IKBKB: variants seen among roughly 807,000 people sequenced by gnomAD.
IKBKB encodes inhibitor of nuclear factor kappa-B kinase subunit beta.
IKBKB carries 42 observed loss-of-function variants against 113.6 expected under a neutral mutation model. The ratio of observed to expected loss-of-function variants is 0.37; its 90% CI spans 0.29 to 0.48. The LOEUF is 0.48. Ranked by LOEUF, IKBKB falls within the 20% of genes least tolerant of loss-of-function variation. The probability of loss-of-function intolerance (pLI) is 0.99; values close to 1 mark genes in which losing one functional copy is unlikely to be tolerated. For synonymous variants in IKBKB, 296 were observed against 361.3 expected (o/e 0.82, Z 2.05); for missense variants, 673 against 939.7 (o/e 0.72, Z 3.71).
chr8:42,311,434 G>A (rs144146842), intron 8 of IKBKB, among the ~76,000 whole-genome samples: 2,165 of 152,032 alleles, frequency 0.014, 53 homozygotes, highest in African/African-American at 0.05. Context: ...GGTGGCACAC[G>A]CCTGTAATCC....
At chr8:42,299,259 C>T (rs903664371) in intron 5 of IKBKB, among the ~76,000 whole-genome samples, 1 of 152,184 alleles carries the variant, frequency 6.6e-6, no homozygotes, top group South Asian at 2.1e-4. Flanking sequence ...CCTTGCATTA[C>T]GGAGGCTGCA....
rs201015542 is a variant in IKBKB, at chr8:42,331,352, G to A, written c.*373G>A. On this transcript the variant is annotated 3_prime_UTR_variant, in exon 22 of 22. Coordinates refer to ENST00000520810, the MANE Select transcript of IKBKB (RefSeq NM_001556.3). The stretch of plus-strand genomic sequence containing the variant: ...TTCCTCTGCCGTGAGAAAAGTGCTT[G>A]GAGTACGGTTTGCCACACACGTGAC... 8.5e-6 allele frequency: 6 copies of A among 702,836 alleles called. No homozygotes were observed. The African/African-American group carries it at 1.0e-4, about 12-fold the overall frequency. The allele number at this position is 702,836 out of a possible 1,614,324, so 43.5% of individuals were successfully genotyped here. A position where few individuals can be genotyped will look rare whatever the true frequency, so the allele number is the denominator to read the frequency against.
chr8:42,329,411 T>C lies in IKBKB; in HGVS notation c.2205+197T>C, dbSNP rs1821390253. On this transcript the variant is annotated intron_variant, in intron 21 of 21. Transcript: ENST00000520810. Reference sequence around the variant, plus strand: ...GATCTTGGCTCACTGCAACCTCCGCTTCCCGGGTTCAAGTGATTCTCATGC... The same window carrying C: ...GATCTTGGCTCACTGCAACCTCCGCCTCCCGGGTTCAAGTGATTCTCATGC... 1.7e-5 allele frequency: 17 copies of C among 978,964 alleles called. 1 individual carries two copies. In the South Asian group the frequency reaches 4.5e-4, roughly 26 times the overall value. The allele number at this position is 978,964 out of a possible 1,614,324, so 60.6% of individuals were successfully genotyped here.
chr8:42,329,681 G>A, intron 21 of IKBKB: 2 of 985,358 alleles, frequency 2.0e-6, no homozygotes, highest in Non-Finnish European at 2.4e-6. Flanking sequence ...CTGCACCATT[G>A]GTACTACTGC....
Position 42,291,160 on chromosome 8 carries a change from T to C in IKBKB, c.318+887T>C, listed in dbSNP as rs1812547824. On this transcript the variant is annotated intron_variant, in intron 4 of 21. Transcript: ENST00000520810. ...GGCTGAATAAGGCCATATAACATTA[T>C]GAAAACTGGAAGCTCTGAACAAAAT... Among the ~76,000 whole-genome samples, 3 of 152,242 alleles carry C rather than the reference T, an allele frequency of 2.0e-5. No individual in the cohort carries two copies. The South Asian group carries it at 6.2e-4, about 32-fold the overall frequency.
rs1225400456 is a variant in IKBKB, at chr8:42,331,135, G to A, written c.*156G>A. On this transcript the variant is annotated 3_prime_UTR_variant, in exon 22 of 22. Transcript: ENST00000520810. ...ACATGGTGGTTCCTGCTGCACTGAT[G>A]GCCCAGGGGTCTCTGGTATCCAGAT... The A allele has an allele frequency of 2.7e-6, 3 of 1,091,892 alleles. No homozygotes were observed. In the African/African-American group the frequency reaches 4.7e-5, roughly 17 times the overall value. 67.6% of individuals were successfully genotyped at this position (1,091,892 alleles called of 1,614,324 possible). A position where few individuals can be genotyped will look rare whatever the true frequency, so the allele number is the denominator to read the frequency against.
chr8:42,327,063 C>T (rs754140753), intron 20 of IKBKB, among the ~76,000 whole-genome samples: 1 of 152,100 alleles, frequency 6.6e-6, no homozygotes, highest in Non-Finnish European at 1.5e-5. Flanking sequence ...TGTAAATACG[C>T]GAAAACCCTT....
Position 42,329,198 on chromosome 8 carries a change from A to C in IKBKB, c.2189A>C (p.Gln730Pro). 2 of 1,594,732 alleles carry C rather than the reference A, an allele frequency of 1.3e-6. No homozygotes were observed. Among genetic ancestry groups the C allele is most frequent in the Non-Finnish European group, 1.7e-6 (2 of 1,173,172 alleles). ...GCCATACAGGACACTGTGAGGGAAC[A>C]AGACCAGAGTTTCACGGTAACAGCT... ...ENAIQDTVREQDQSFTALDWS... is the reference protein window; with the variant it reads ...ENAIQDTVREPDQSFTALDWS... The change falls in exon 21 of 22, where the codon CAA becomes CCA. Residue 730 changes from glutamine to proline, a missense_variant. Coordinates refer to ENST00000520810, the MANE Select transcript of IKBKB (RefSeq NM_001556.3).
intron 5 of IKBKB, among the ~76,000 whole-genome samples, chr8:42,295,584 G>C (rs914461854): frequency 1.3e-5 from 2 of 152,198 alleles, no homozygotes; most frequent in Admixed American, 6.5e-5. Flanking sequence ...AATTAGCTGG[G>C]CATGGTGACG....
At chr8:42,309,145 G>A (rs1051416814) in intron 8 of IKBKB, 120 bp downstream of exon 8, 41 of 1,161,786 alleles carry the variant, frequency 3.5e-5, no homozygotes, top group Non-Finnish European at 4.8e-5. Flanking sequence ...TTTCTCTTCC[G>A]AGAGGAAGGC....
rs775274100 is a variant in IKBKB at position 42,290,175 on chromosome 8, G to A, written c.220G>A (p.Val74Met). 2 of 1,613,794 alleles carry A rather than the reference G, an allele frequency of 1.2e-6. No homozygotes were observed. Among genetic ancestry groups the A allele is most frequent in the South Asian group, 1.1e-5 (1 of 90,968 alleles). The change falls in exon 4 of 22, where the codon GTG becomes ATG. Residue 74 changes from valine (V) to methionine (M), a missense_variant. By Grantham distance (21) the Val-to-Met change is conservative. Coordinates refer to ENST00000520810, the MANE Select transcript of IKBKB (RefSeq NM_001556.3). ...IMRRLTHPNV[V>M]AARDVPEGMQ... ...TCCTAGGCTGACCCACCCCAATGTG[G>A]TGGCTGCCCGAGATGTCCCTGAGGG...
chr8:42,322,308 G>C, intron 18 of IKBKB, 39 bp from the exon 19 acceptor site: 1 of 1,613,222 alleles, frequency 6.2e-7, no homozygotes, highest in Non-Finnish European at 8.5e-7. Context: ...GCTTTCTCCA[G>C]CCCAAATGCC....
At chr8:42,322,877 A>G (rs1309300837) in intron 19 of IKBKB, among the ~76,000 whole-genome samples, 1 of 152,046 alleles carries the variant, frequency 6.6e-6, no homozygotes, top group Non-Finnish European at 1.5e-5. Flanking sequence ...TGATCATGCC[A>G]CTGCACTCCA....
intron 5 of IKBKB, among the ~76,000 whole-genome samples, chr8:42,302,949 A>G (rs10109176): frequency 0.21 from 32,051 of 151,770 alleles, 7,854 homozygotes; most frequent in African/African-American, 0.6. Context: ...TTGCTTACTC[A>G]GTTTCTGTGG....
chr8:42,309,043 A>C lies in IKBKB; in HGVS notation c.692+18A>C, dbSNP rs1274084341. ...GTGCAGTGGTGAGTGGGCCCGGGGCACCTGGATGGAGGAGGGAGCCTGTCT... is the reference window on the plus strand; with the variant it reads ...GTGCAGTGGTGAGTGGGCCCGGGGCCCCTGGATGGAGGAGGGAGCCTGTCT... On this transcript the variant is annotated intron_variant, in intron 8 of 21. Coordinates refer to ENST00000520810, the MANE Select transcript of IKBKB (RefSeq NM_001556.3). The C allele has an allele frequency of 6.2e-7, 1 of 1,610,070 alleles. No homozygotes were observed. The highest frequency in any genetic ancestry group is 1.3e-5 in the African/African-American group (1 of 74,846).
At chr8:42,298,320 C>T in intron 5 of IKBKB, 4 of 985,428 alleles carry the variant, frequency 4.1e-6, no homozygotes, top group Non-Finnish European at 4.8e-6. Context: ...TGTGGTGACA[C>T]CATCCTGTGC....
At chr8:42,298,851 T>A (rs562168212) in intron 5 of IKBKB, among the ~76,000 whole-genome samples, 3 of 152,268 alleles carry the variant, frequency 2.0e-5, no homozygotes, top group South Asian at 4.2e-4. Flanking sequence ...ATCTCTGACA[T>A]CCGCCAGCTG....
At chr8:42,291,246 A>G (rs1812567852) in intron 4 of IKBKB, among the ~76,000 whole-genome samples, 1 of 152,008 alleles carries the variant, frequency 6.6e-6, no homozygotes, top group Non-Finnish European at 1.5e-5. Flanking sequence ...CAGTGGCGTG[A>G]TCTCGGCTCA....
At chr8:42,290,113 G>A in intron 3 of IKBKB, 43 bp from the exon 4 acceptor site, 1 of 1,410,756 alleles carries the variant, frequency 7.1e-7, no homozygotes, top group South Asian at 1.2e-5. Context: ...GATGGGTCTG[G>A]GCAGGAGCCT....
Sources: gnomAD v4.1 joint callset for allele counts (sites outside exome capture counted in the v4.1 genomes callset) on GRCh38, gnomAD v4.1.1 for gene constraint, MANE v1.5 for transcripts, NCBI Gene and HGNC (gene_info 2026-07-23, HGNC 2026-07-21) for gene names.